DCDC1: variants seen among roughly 807,000 people sequenced by gnomAD.
DCDC1 encodes the protein doublecortin domain-containing protein 1.
A neutral mutation model predicts 178.3 loss-of-function variants in DCDC1; 200 were observed. That is an observed-to-expected ratio of 1.12 (90% CI 1.00 to 1.26). The LOEUF (loss-of-function observed/expected upper bound fraction) is 1.26, where lower values mean the gene tolerates loss of function less well. Among genes scored for constraint, DCDC1 ranks in the 50% most tolerant of loss-of-function variants. The pLI is 0.00. For missense variants in DCDC1, 1,983 were observed against 1,749.2 expected (o/e 1.13, Z -2.38); for synonymous variants, 690 against 604.8 (o/e 1.14, Z -2.07).
chr11:31,364,253 T>G (rs1697972475), intron 1 of DCDC1, among the ~76,000 whole-genome samples: 1 of 152,150 alleles, frequency 6.6e-6, no homozygotes, highest in Admixed American at 6.5e-5. Flanking sequence ...TCAAGGAGCT[T>G]CTGTATATAA....
At chr11:31,098,013 C>T (rs1466878207) in intron 15 of DCDC1, among the ~76,000 whole-genome samples, 2 of 152,104 alleles carry the variant, frequency 1.3e-5, no homozygotes, top group Non-Finnish European at 2.9e-5. Flanking sequence ...TGATGTTTTT[C>T]TTGCCGTTTC....
At chr11:31,098,560 AT>A (rs1958300729) in intron 15 of DCDC1, among the ~76,000 whole-genome samples, 1 of 152,210 alleles carries the variant, frequency 6.6e-6, no homozygotes, top group Non-Finnish European at 1.5e-5. Flanking sequence ...TCTCAAGCCA[AT>A]TTTAAAACAT....
chr11:31,343,684 C>T (rs987823574), intron 1 of DCDC1, among the ~76,000 whole-genome samples: 7 of 151,936 alleles, frequency 4.6e-5, no homozygotes, highest in Non-Finnish European at 7.4e-5. Flanking sequence ...TTTGGGAGGC[C>T]GAGATGGGTA....
At chr11:31,189,866 G>A (rs1394459013) in intron 9 of DCDC1, among the ~76,000 whole-genome samples, 1 of 152,134 alleles carries the variant, frequency 6.6e-6, no homozygotes, top group African/African-American at 2.4e-5. Context: ...AGTCCCATCA[G>A]CCATATCACT....
chr11:30,970,980 C>T (rs1043578246), intron 20 of DCDC1, among the ~76,000 whole-genome samples: 2 of 152,120 alleles, frequency 1.3e-5, no homozygotes, highest in Non-Finnish European at 1.5e-5. Context: ...TGAGGTTGGG[C>T]CCACCCAATC....
In DCDC1 at chr11:31,055,256, T is replaced by C. The variant is rs151280847; in HGVS notation, c.2591+9213A>G. ...AAACGCTCCACACCACTAATGATCA[T>C]GGAAATGCAAATCAAAACCACAATG... On this transcript the variant is annotated intron_variant, in intron 20 of 38. Coordinates refer to ENST00000684477, the MANE Select transcript of DCDC1 (RefSeq NM_001387274.1). 1.3e-3 allele frequency among the ~76,000 whole-genome samples: 200 copies of C among 152,086 alleles called. 1 individual carries two copies. Among genetic ancestry groups the C allele is most frequent in the African/African-American group, 4.5e-3 (186 of 41,470 alleles).
At chr11:30,931,524 A>G (rs1946920035) in intron 22 of DCDC1, among the ~76,000 whole-genome samples, 1 of 152,146 alleles carries the variant, frequency 6.6e-6, no homozygotes, top group Non-Finnish European at 1.5e-5. Context: ...TTTTAAAAAT[A>G]GAACTTTTAA....
chr11:31,035,420 A>G (rs1953958878), intron 20 of DCDC1, among the ~76,000 whole-genome samples: 1 of 152,238 alleles, frequency 6.6e-6, no homozygotes, highest in Non-Finnish European at 1.5e-5. Flanking sequence ...ATTTGTCAGT[A>G]ATTTCCCTTG....
intron 9 of DCDC1, among the ~76,000 whole-genome samples, chr11:31,232,311 C>T (rs1975873491): frequency 6.6e-6 from 1 of 152,096 alleles, no homozygotes; most frequent in East Asian, 1.9e-4. Context: ...TAAGGTTAAT[C>T]ATCTAAAATA....
At chr11:31,348,993 A>T (rs1007054060) in intron 1 of DCDC1, among the ~76,000 whole-genome samples, 1 of 151,150 alleles carries the variant, frequency 6.6e-6, no homozygotes, top group South Asian at 2.1e-4. Context: ...GTAAACTTGC[A>T]TTATCAAAAT....
intron 9 of DCDC1, among the ~76,000 whole-genome samples, chr11:31,147,953 A>G (rs1266250914): frequency 6.6e-6 from 1 of 152,134 alleles, no homozygotes; most frequent in Non-Finnish European, 1.5e-5. Flanking sequence ...CTTAAGAGAG[A>G]GGCTGATTGG....
intron 22 of DCDC1, 69 bp from the exon 23 acceptor site, chr11:30,925,477 A>C (rs1193273067): frequency 5.8e-6 from 8 of 1,383,354 alleles, no homozygotes; most frequent in African/African-American, 1.4e-5. Flanking sequence ...AGAAAATAAA[A>C]GAAATCTGGG....
At position 31,057,443 on chromosome 11, in the gene DCDC1, A is replaced by G. The variant is rs143106891; in HGVS notation, c.2591+7026T>C. The stretch of plus-strand genomic sequence containing the variant: ...GAAATATTTCATATATTTGGAAATT[A>G]AGAAATATCCTAAATAGTCCATGGA... On this transcript the variant is annotated intron_variant, in intron 20 of 38. Coordinates refer to ENST00000684477, the MANE Select transcript of DCDC1 (RefSeq NM_001387274.1). Among the ~76,000 whole-genome samples the G allele has an allele frequency of 4.2e-3, 639 of 152,322 alleles. 1 individual carries two copies. Among genetic ancestry groups the G allele is most frequent in the African/African-American group, 0.015 (618 of 41,570 alleles).
intron 20 of DCDC1, among the ~76,000 whole-genome samples, chr11:31,036,441 C>T (rs576798949): frequency 7.2e-5 from 11 of 152,176 alleles, no homozygotes; most frequent in African/African-American, 2.2e-4. Context: ...ATCACTAAGC[C>T]CTGACCCACC....
chr11:31,129,345 T>G (rs1487482068), intron 10 of DCDC1, among the ~76,000 whole-genome samples: 1 of 152,150 alleles, frequency 6.6e-6, no homozygotes, highest in Non-Finnish European at 1.5e-5. Context: ...CTCTTATTTG[T>G]TCCTATGTAA....
intron 1 of DCDC1, among the ~76,000 whole-genome samples, chr11:31,351,531 T>C (rs1046015984): frequency 6.6e-6 from 1 of 152,164 alleles, no homozygotes; most frequent in Non-Finnish European, 1.5e-5. Context: ...CATGTAGCAA[T>C]GGAGCAGGCT....
intron 11 of DCDC1, among the ~76,000 whole-genome samples, chr11:31,122,268 G>T (rs1024213933): frequency 6.6e-6 from 1 of 152,134 alleles, no homozygotes; most frequent in African/African-American, 2.4e-5. Context: ...TAAGATATAA[G>T]TATAGAGAAA....
chr11:30,971,895 C>T (rs1037224840), intron 20 of DCDC1, among the ~76,000 whole-genome samples: 9 of 152,086 alleles, frequency 5.9e-5, no homozygotes, highest in Non-Finnish European at 7.4e-5. Context: ...AGGCATGAGC[C>T]ACTGCACCTG....
chr11:31,296,598 T>C (rs1366270407), intron 6 of DCDC1, among the ~76,000 whole-genome samples: 2 of 152,230 alleles, frequency 1.3e-5, no homozygotes, highest in Admixed American at 1.3e-4. Context: ...ACCAATTTAC[T>C]GTATTAGTGC....
Sources: allele counts gnomAD v4.1 joint callset (sites outside exome capture counted in the v4.1 genomes callset), GRCh38; gene constraint gnomAD v4.1.1; transcripts MANE v1.5; gene names NCBI Gene and HGNC (gene_info 2026-07-23, HGNC 2026-07-21).